The following FBN1 variants were observed in gnomAD, a reference collection of about 807,000 sequenced individuals.
FBN1 encodes the protein fibrillin-1.
Under a neutral mutation model 365.1 loss-of-function variants are expected in FBN1, and 29 were observed. The ratio of observed to expected loss-of-function variants is 0.08; its 90% CI spans 0.06 to 0.11. The LOEUF (loss-of-function observed/expected upper bound fraction) is 0.11. Among genes scored for constraint, FBN1 ranks in the 10% least tolerant of loss-of-function variants. The probability of loss-of-function intolerance (pLI) is 1.00; values close to 1 mark genes in which losing one functional copy is unlikely to be tolerated. For missense variants in FBN1, 2,476 were observed against 3,703.2 expected, an observed-to-expected ratio of 0.67 and a Z score of 8.60; for synonymous variants, 1,210 against 1,270.5, an observed-to-expected ratio of 0.95 and a Z score of 1.01.
At chr15:48,517,309 T>C (rs2043813230) in intron 10 of FBN1, among the ~76,000 whole-genome samples, 1 of 152,120 alleles carries the variant, frequency 6.6e-6, no homozygotes, top group Non-Finnish European at 1.5e-5. Flanking sequence ...GATGAGCTCA[T>C]GTAAGAGTGG....
At chr15:48,415,017 C>A (rs1383267709) in intron 64 of FBN1, among the ~76,000 whole-genome samples, 1 of 152,000 alleles carries the variant, frequency 6.6e-6, no homozygotes, top group African/African-American at 2.4e-5. Flanking sequence ...TTTCAATGCA[C>A]CTTTGGTAAA....
At chr15:48,494,538 A>G (rs1212067868) in intron 22 of FBN1, among the ~76,000 whole-genome samples, 1 of 152,228 alleles carries the variant, frequency 6.6e-6, no homozygotes, top group African/African-American at 2.4e-5. Context: ...GGGAAACTGA[A>G]GGTAGCTTTC....
At chr15:48,426,761 T>G (rs1426491425) in intron 58 of FBN1, among the ~76,000 whole-genome samples, 1 of 152,186 alleles carries the variant, frequency 6.6e-6, no homozygotes, top group Non-Finnish European at 1.5e-5. Context: ...TCGGCTATCT[T>G]ATTGCTACAT....
chr15:48,542,831 A>AT (rs1418564134), intron 6 of FBN1, among the ~76,000 whole-genome samples: 2 of 82,186 alleles, frequency 2.4e-5, no homozygotes, highest in Admixed American at 2.6e-4. Context: ...GTGTGTGTGT[A>AT]TTTTTTTTCC....
At chr15:48,488,531 T>C in intron 25 of FBN1, 38 bp from the exon 26 acceptor site, 1 of 1,607,048 alleles carries the variant, frequency 6.2e-7, no homozygotes, top group Non-Finnish European at 8.5e-7. Flanking sequence ...AATAAGTTTA[T>C]GAGCAAGCAG....
At chr15:48,470,545 G>A in intron 36 of FBN1, 89 bp downstream of exon 36, 1 of 1,568,430 alleles carries the variant, frequency 6.4e-7, no homozygotes, top group South Asian at 1.1e-5. Context: ...TGTCTTCTGT[G>A]ACGGCCCTTG....
At chr15:48,454,685 C>G (rs564914889) in intron 44 of FBN1, among the ~76,000 whole-genome samples, 2 of 152,192 alleles carry the variant, frequency 1.3e-5, no homozygotes, top group African/African-American at 4.8e-5. Context: ...GAAGTTGGCT[C>G]GACCAAAGAA....
chr15:48,592,336 C>A (rs1566933995), intron 6 of FBN1, among the ~76,000 whole-genome samples: 1 of 152,076 alleles, frequency 6.6e-6, no homozygotes, highest in Non-Finnish European at 1.5e-5. Flanking sequence ...AAGTCTCATC[C>A]ACTCATATGA....
rs542151334 is a variant in FBN1 at position 48,520,433 on chromosome 15, A to G, written c.1147+226T>C. 2.0e-5 allele frequency among the ~76,000 whole-genome samples: 3 copies of G among 152,332 alleles called. No individual in the cohort carries two copies. The South Asian group carries it at 6.2e-4, about 32-fold the overall frequency. ...CCCAAAAGGTTTCTGTTTAGTAGTA[A>G]TAAGCCAGCTAAGTAAAAAGCAGTA... On this transcript the variant is annotated intron_variant, in intron 10 of 65. Coordinates refer to ENST00000316623, the MANE Select transcript of FBN1 (RefSeq NM_000138.5).
At chr15:48,535,942 T>C (rs1477458925) in intron 7 of FBN1, among the ~76,000 whole-genome samples, 1 of 152,216 alleles carries the variant, frequency 6.6e-6, no homozygotes, top group South Asian at 2.1e-4. Context: ...TCATGATTTC[T>C]GGCCAACAGA....
intron 6 of FBN1, among the ~76,000 whole-genome samples, chr15:48,580,583 G>A (rs1432599954): frequency 6.6e-6 from 1 of 152,084 alleles, no homozygotes; most frequent in Non-Finnish European, 1.5e-5. Flanking sequence ...CCACAGGAAG[G>A]CATGGGAAAA....
intron 6 of FBN1, among the ~76,000 whole-genome samples, chr15:48,580,203 A>G (rs2044381165): frequency 6.6e-6 from 1 of 152,170 alleles, no homozygotes; most frequent in African/African-American, 2.4e-5. Context: ...ATATACAGTC[A>G]TCATGCATGC....
intron 8 of FBN1, among the ~76,000 whole-genome samples, chr15:48,530,733 C>A (rs1471431984): frequency 6.6e-6 from 1 of 152,088 alleles, no homozygotes; most frequent in Non-Finnish European, 1.5e-5. Context: ...CAGTAAGTAG[C>A]CATGAGATAA....
intron 9 of FBN1, among the ~76,000 whole-genome samples, chr15:48,522,081 C>A (rs1396868624): frequency 3.3e-5 from 5 of 152,150 alleles, no homozygotes; most frequent in African/African-American, 1.2e-4. Context: ...ACTGCGCATG[C>A]GAGGGTTCTA....
At chr15:48,496,599 A>C (rs1044193356) in intron 19 of FBN1, among the ~76,000 whole-genome samples, 2 of 152,182 alleles carry the variant, frequency 1.3e-5, no homozygotes, top group African/African-American at 4.8e-5. Context: ...AACCTTATTG[A>C]TTTAAGGAAC....
intron 46 of FBN1, among the ~76,000 whole-genome samples, chr15:48,447,265 C>A (rs1597534127): frequency 6.6e-6 from 1 of 152,118 alleles, no homozygotes; most frequent in African/African-American, 2.4e-5. Flanking sequence ...TGGCATTACC[C>A]CACAATCAGC....
rs1290479689 is a variant in FBN1 at position 48,412,749 on chromosome 15, G to C, written c.8052-6C>G. ...CCATTCCAGAAACACAGTGCCTGCA[G>C]CAGAAGGGGAGCATAGATGTTTTTC... On this transcript the variant is annotated splice_polypyrimidine_tract_variant and splice_region_variant and intron_variant, in intron 64 of 65. Transcript: ENST00000316623. 1 of 1,614,202 alleles carries C rather than the reference G, an allele frequency of 6.2e-7. No individual in the cohort carries two copies. The highest frequency in any genetic ancestry group is 2.2e-5 in the East Asian group (1 of 44,892).
At chr15:48,619,083 C>G (rs1889717141) in intron 2 of FBN1, among the ~76,000 whole-genome samples, 2 of 152,086 alleles carry the variant, frequency 1.3e-5, no homozygotes, top group African/African-American at 4.8e-5. Context: ...TCCCCCCATC[C>G]CCCAGCACCC....
In FBN1 at chr15:48,520,640, T is replaced by A. The variant is rs369942195; in HGVS notation, c.1147+19A>T. ...GGGCTGGGATGGGATATTCTGCAGA[T>A]AACTGGAAGGGCTCTTACCGGTTGC... On this transcript the variant is annotated intron_variant, in intron 10 of 65. Transcript: ENST00000316623. The A allele has an allele frequency of 3.1e-6, 5 of 1,613,594 alleles. No homozygotes were observed. In the African/African-American group the frequency reaches 4.0e-5, roughly 13 times the overall value.
Sources: gnomAD v4.1 joint callset for allele counts (sites outside exome capture counted in the v4.1 genomes callset) on GRCh38, gnomAD v4.1.1 for gene constraint, MANE v1.5 for transcripts, NCBI Gene and HGNC (gene_info 2026-07-23, HGNC 2026-07-21) for gene names.